SHLD2: variants seen among roughly 807,000 people sequenced by gnomAD.
The protein encoded by SHLD2 is shieldin complex subunit 2, also known as RINN1-REV7-interacting novel NHEJ regulator 2.
A neutral mutation model predicts 73.2 loss-of-function variants in SHLD2; 30 were observed. The observed-to-expected ratio is 0.41, with a 90% confidence interval of 0.31 to 0.56. SHLD2 has a LOEUF of 0.56. Among genes scored for constraint, SHLD2 ranks in the 20% least tolerant of loss-of-function variants. The pLI, the probability that SHLD2 is intolerant of heterozygous loss-of-function variation, is 0.28. For missense variants in SHLD2, 745 were observed against 1,055.9 expected (o/e 0.71, Z 4.08); for synonymous variants, 285 against 370.1 (o/e 0.77, Z 2.64).
At chr10:87,095,459 C>T (rs1019634741) in intron 1 of SHLD2, among the ~76,000 whole-genome samples, 2 of 152,126 alleles carry the variant, frequency 1.3e-5, no homozygotes, top group African/African-American at 4.8e-5. Context: ...CCCACCCTGG[C>T]CTGTCCTCTG....
At chr10:87,124,211 T>C (rs1050029519) in intron 2 of SHLD2, among the ~76,000 whole-genome samples, 4 of 152,126 alleles carry the variant, frequency 2.6e-5, no homozygotes, top group Non-Finnish European at 5.9e-5. Context: ...TGAAAAATAT[T>C]ATACAATGAC....
chr10:87,132,669 G>T (rs1844512022), intron 2 of SHLD2, among the ~76,000 whole-genome samples: 1 of 152,062 alleles, frequency 6.6e-6, no homozygotes, highest in African/African-American at 2.4e-5. Context: ...AGCTACTTGC[G>T]AGTCTGAGGT....
chr10:87,147,063 AAAAAAAAAGAAAAAAAAAAAAAAAAC>A, intron 2 of SHLD2, among the ~76,000 whole-genome samples: 1 of 145,512 alleles, frequency 6.9e-6, no homozygotes, highest in South Asian at 2.2e-4. Flanking sequence ...TCTCAAAAAA[AAAAAAAAAGAAAAAAAAAAAAAAAAC>A]AAAAAAACCT....
chr10:87,164,424 T>G (rs575854999), intron 4 of SHLD2, among the ~76,000 whole-genome samples: 33 of 152,144 alleles, frequency 2.2e-4, no homozygotes, highest in African/African-American at 7.7e-4. Flanking sequence ...GGCTAATTTT[T>G]GTATTTCTTG....
At chr10:87,100,341 C>G (rs1297020893) in intron 2 of SHLD2, among the ~76,000 whole-genome samples, 3 of 152,178 alleles carry the variant, frequency 2.0e-5, no homozygotes, top group Admixed American at 6.5e-5. Flanking sequence ...GCTCAAAAGA[C>G]TATTTCTTTC....
chr10:87,152,751 G>A lies in SHLD2; in HGVS notation c.1397G>A (p.Gly466Asp). The change falls in exon 3 of 10, where the codon GGC (glycine) becomes GAC (aspartate). Residue 466 changes from glycine to aspartate, a missense_variant. Coordinates refer to ENST00000298786, the MANE Select transcript of SHLD2 (RefSeq NM_001330112.2). ...EINIKFGPNSGSKVPLATVTV... is the reference protein window; with the variant it reads ...EINIKFGPNSDSKVPLATVTV... Reference sequence around the variant, plus strand: ...AACATAAAATTCGGACCAAATTCTGGCTCTAAAGTGCCTTTAGCAACAGTT... The same window carrying A: ...AACATAAAATTCGGACCAAATTCTGACTCTAAAGTGCCTTTAGCAACAGTT... 6.2e-7 allele frequency: 1 copy of A among 1,611,878 alleles called. No individual in the cohort carries two copies. The highest frequency in any genetic ancestry group is 8.5e-7 in the Non-Finnish European group (1 of 1,179,844).
At chr10:87,167,073 G>T (rs1453825995) in intron 4 of SHLD2, among the ~76,000 whole-genome samples, 1 of 151,978 alleles carries the variant, frequency 6.6e-6, no homozygotes, top group East Asian at 1.9e-4. Flanking sequence ...TTGAAATAAT[G>T]AAAATAACAT....
At chr10:87,168,381 G>A (rs1311819463) in intron 4 of SHLD2, among the ~76,000 whole-genome samples, 2 of 152,134 alleles carry the variant, frequency 1.3e-5, no homozygotes, top group Non-Finnish European at 2.9e-5. Flanking sequence ...CAGATTGCTT[G>A]AGTCCAGGAG....
At chr10:87,175,116 CAAAAAAA>C (rs55718551) in intron 6 of SHLD2, among the ~76,000 whole-genome samples, 1 of 84,746 alleles carries the variant, frequency 1.2e-5, no homozygotes, top group Non-Finnish European at 2.4e-5. Context: ...GACTCCATCT[CAAAAAAA>C]AAAAAAAAAA....
chr10:87,170,378 C>A, intron 4 of SHLD2, 100 bp from the exon 5 acceptor site: 1 of 789,790 alleles, frequency 1.3e-6, no homozygotes, highest in Non-Finnish European at 1.9e-6. Flanking sequence ...TATATCTAAT[C>A]ATACTTTACA....
intron 2 of SHLD2, among the ~76,000 whole-genome samples, chr10:87,135,619 G>C (rs1167537463): frequency 3.3e-5 from 5 of 151,082 alleles, no homozygotes. Flanking sequence ...TTAGCTTCCT[G>C]AGTAGCTGGG....
rs554802095 is a variant in SHLD2, at chr10:87,178,765, A to C, written c.2171-1310A>C. 2.6e-5 allele frequency among the ~76,000 whole-genome samples: 4 copies of C among 152,316 alleles called. No homozygotes were observed. In the South Asian group the frequency reaches 8.3e-4, roughly 32 times the overall value. ...TTGTAGTGATTTGACATGTCTTTGG[A>C]AAGATGTGGTATTGAATCTTCTACA... is the stretch of plus-strand genomic sequence containing the variant. On this transcript the variant is annotated intron_variant, in intron 7 of 9. Coordinates refer to ENST00000298786, the MANE Select transcript of SHLD2 (RefSeq NM_001330112.2).
At chr10:87,133,507 T>G (rs1272245913) in intron 2 of SHLD2, among the ~76,000 whole-genome samples, 1 of 152,152 alleles carries the variant, frequency 6.6e-6, no homozygotes, top group Non-Finnish European at 1.5e-5. Context: ...TTGGGTCATT[T>G]TCAAAAAAAG....
At chr10:87,182,269 A>G (rs1320254795) in intron 8 of SHLD2, among the ~76,000 whole-genome samples, 1 of 152,236 alleles carries the variant, frequency 6.6e-6, no homozygotes, top group African/African-American at 2.4e-5. Context: ...GAATCCACGT[A>G]TGTTCACATA....
chr10:87,170,609 C>A lies in SHLD2; in HGVS notation c.1765C>A (p.His589Asn). The A allele has an allele frequency of 1.9e-6, 3 of 1,613,382 alleles. No homozygotes were observed. The highest frequency in any genetic ancestry group is 8.5e-7 in the Non-Finnish European group (1 of 1,179,702). ...CAGTATAGACTTTGTAGAATTGGAG[C>A]ACCTTCAACCTGATGTATTAGTCCA... is the stretch of plus-strand genomic sequence containing the variant. Reference protein sequence around the residue: ...VNSIDFVELEHLQPDVLVHAV... With the variant: ...VNSIDFVELENLQPDVLVHAV... The change falls in exon 5 of 10, where the codon CAC (histidine) becomes AAC (asparagine). Residue 589 changes from histidine to asparagine, a missense_variant. Physicochemically the swap from His to Asn is moderately conservative, Grantham distance 68. Around this residue, in one of 5 missense-constraint regions of SHLD2, gnomAD observed 418 missense variants for 567.8 expected, o/e 0.74. Transcript: ENST00000298786.
intron 2 of SHLD2, among the ~76,000 whole-genome samples, chr10:87,118,233 C>T (rs1843374791): frequency 6.6e-6 from 1 of 152,112 alleles, no homozygotes; most frequent in Non-Finnish European, 1.5e-5. Context: ...ACATTAAATC[C>T]AGCATTTCCC....
chr10:87,187,250 T>C (rs767496125), intron 9 of SHLD2, 50 bp downstream of exon 9: 38 of 1,091,856 alleles, frequency 3.5e-5, no homozygotes, highest in Non-Finnish European at 4.8e-5. Context: ...GGAGTATAAA[T>C]GGTATATCGG....
At chr10:87,186,430 C>G (rs1373045254) in intron 8 of SHLD2, among the ~76,000 whole-genome samples, 2 of 152,188 alleles carry the variant, frequency 1.3e-5, no homozygotes, top group Non-Finnish European at 2.9e-5. Context: ...ACCATCCAAC[C>G]CTCTCTCACC....
intron 2 of SHLD2, among the ~76,000 whole-genome samples, chr10:87,144,441 C>T (rs1424239892): frequency 6.6e-6 from 1 of 152,084 alleles, no homozygotes; most frequent in East Asian, 1.9e-4. Flanking sequence ...CAGTTGTCTG[C>T]TCACAGGTTG....
Sources: gnomAD v4.1 joint callset for allele counts (sites outside exome capture counted in the v4.1 genomes callset) on GRCh38, gnomAD v4.1.1 for gene constraint, gnomAD v4.1.1 regional missense constraint, MANE v1.5 for transcripts, NCBI Gene and HGNC (gene_info 2026-07-23, HGNC 2026-07-21) for gene names.